CSMD2: variants seen among roughly 807,000 people sequenced by gnomAD.
CSMD2 encodes CUB and sushi domain-containing protein 2.
CSMD2 carries 130 observed loss-of-function variants against 398.5 expected under a neutral mutation model. That is an observed-to-expected ratio of 0.33 (90% CI 0.28 to 0.38). CSMD2 has a LOEUF of 0.38. CSMD2 is among the 10% of genes least tolerant of loss of function. The probability of loss-of-function intolerance (pLI) is 1.00; values close to 1 mark genes in which losing one functional copy is unlikely to be tolerated. For missense variants in CSMD2, 3,829 were observed against 4,764.9 expected (o/e 0.80, Z 5.78); for synonymous variants, 1,828 against 1,908.5 (o/e 0.96, Z 1.10).
At chr1:33,977,500 T>C (rs1164129249) in intron 3 of CSMD2, among the ~76,000 whole-genome samples, 1 of 152,094 alleles carries the variant, frequency 6.6e-6, no homozygotes, top group Non-Finnish European at 1.5e-5. Flanking sequence ...CTCTTAGGTC[T>C]CACCTGCTCA....
chr1:34,016,635 A>T (rs1258737723), intron 3 of CSMD2, among the ~76,000 whole-genome samples: 1 of 152,244 alleles, frequency 6.6e-6, no homozygotes, highest in African/African-American at 2.4e-5. Context: ...TCTGCTATAA[A>T]GATACATGGA....
At chr1:33,671,430 T>C (rs1427689001) in intron 25 of CSMD2, among the ~76,000 whole-genome samples, 1 of 152,126 alleles carries the variant, frequency 6.6e-6, no homozygotes. Flanking sequence ...TTGGTGGGGC[T>C]GCCCTGAAAT....
chr1:33,729,629 C>G (rs560191093), intron 15 of CSMD2, among the ~76,000 whole-genome samples: 1 of 150,148 alleles, frequency 6.7e-6, no homozygotes, highest in African/African-American at 2.5e-5. Context: ...ATCCCTCCCC[C>G]CTCCCCCCAC....
In CSMD2 at chr1:33,624,437, C is replaced by G. The variant is rs531623134; in HGVS notation, c.5625+82G>C. 8.4e-6 allele frequency: 13 copies of G among 1,554,744 alleles called. No individual in the cohort carries two copies. The African/African-American group carries it at 1.8e-4, about 21-fold the overall frequency. On this transcript the variant is annotated intron_variant, in intron 35 of 70. Coordinates refer to ENST00000373381, the MANE Select transcript of CSMD2 (RefSeq NM_001281956.2). The surrounding 1 kb of genome is among the most constrained non-coding windows in gnomAD (Gnocchi z 4.7). The stretch of plus-strand genomic sequence containing the variant: ...CCCTGACTCAGGCCTTGGCACCAGC[C>G]AGCACCTGTGGTTGTCACCTGTGAG...
intron 24 of CSMD2, among the ~76,000 whole-genome samples, chr1:33,697,366 C>T (rs532041829): frequency 8.5e-5 from 13 of 152,080 alleles, no homozygotes; most frequent in Admixed American, 2.0e-4. Flanking sequence ...AGATGGAGGG[C>T]GAAAGGGGAG....
intron 1 of CSMD2, among the ~76,000 whole-genome samples, chr1:34,117,833 C>G (rs1039436862): frequency 2.0e-5 from 3 of 152,128 alleles, no homozygotes; most frequent in Non-Finnish European, 4.4e-5. Flanking sequence ...GAAAATCCAT[C>G]AATATAATAT....
chr1:34,074,683 G>A (rs1217825045), intron 2 of CSMD2, among the ~76,000 whole-genome samples: 1 of 152,132 alleles, frequency 6.6e-6, no homozygotes, highest in Non-Finnish European at 1.5e-5. Context: ...TTGTCATCAA[G>A]GAGTTTACAG....
chr1:33,560,984 C>T (rs1217717338), intron 53 of CSMD2, among the ~76,000 whole-genome samples: 2 of 152,276 alleles, frequency 1.3e-5, no homozygotes, highest in African/African-American at 4.8e-5. Flanking sequence ...TGGAGTTGAA[C>T]TCCCACCTGA....
intron 53 of CSMD2, 94 bp downstream of exon 53, chr1:33,567,499 A>ATATATATATATATAT (rs1284357279): frequency 9.9e-6 from 10 of 1,014,200 alleles, no homozygotes; most frequent in African/African-American, 1.6e-5. Context: ...ATATATATTT[A>ATATATATATATATAT]AAACAAACCT....
In CSMD2 at chr1:33,646,699, A is replaced by G; in HGVS notation, c.4723T>C (p.Phe1575Leu). 1 of 1,614,208 alleles carries G rather than the reference A, an allele frequency of 6.2e-7. No individual in the cohort carries two copies. The highest frequency in any genetic ancestry group is 8.5e-7 in the Non-Finnish European group (1 of 1,180,036). ...TTGCTCACAGATGCATCGCTGCGGAAGGCGAGGAAGAGGCTGTTGCTGCTG... is the reference window on the plus strand; with the variant it reads ...TTGCTCACAGATGCATCGCTGCGGAGGGCGAGGAAGAGGCTGTTGCTGCTG... Reference protein sequence around the residue: ...ESSSNSLFLAFRSDASVSNAG... With the variant: ...ESSSNSLFLALRSDASVSNAG... Residue 1575 changes from phenylalanine to leucine, a missense_variant, in exon 29 of 71, where the codon TTC becomes CTC. Transcript: ENST00000373381.
Position 33,600,914 on chromosome 1 carries a change from C to T in CSMD2, c.6807G>A (p.Lys2269=). ...CCCCTGTGGCTGCATCACGGTGGAA[C>T]TTGAGCAGGACCTGGTTGGATGAAC... ...VQSSSNQVLL[K]FHRDAATGGI... The change falls in exon 44 of 71, where the codon AAG becomes AAA. Residue 2269 remains lysine, a synonymous_variant. Coordinates refer to ENST00000373381, the MANE Select transcript of CSMD2 (RefSeq NM_001281956.2). 6.2e-7 allele frequency: 1 copy of T among 1,614,156 alleles called. No individual in the cohort carries two copies. Among genetic ancestry groups the T allele is most frequent in the Non-Finnish European group, 8.5e-7 (1 of 1,180,026 alleles).
At chr1:33,579,610 G>A (rs1638548975) in intron 48 of CSMD2, among the ~76,000 whole-genome samples, 1 of 152,074 alleles carries the variant, frequency 6.6e-6, no homozygotes, top group Non-Finnish European at 1.5e-5. Context: ...CATGAGAAGA[G>A]ATGGACTGTG....
intron 44 of CSMD2, among the ~76,000 whole-genome samples, chr1:33,593,080 T>A (rs1639582481): frequency 6.6e-6 from 1 of 152,230 alleles, no homozygotes; most frequent in Admixed American, 6.5e-5. Context: ...ATGTGGTCTG[T>A]ACTAACGTTA....
chr1:33,716,357 T>C lies in CSMD2; in HGVS notation c.3146A>G (p.Asn1049Ser). ...PAPISAGLYGNFTAQVRFISD... is the reference protein window; with the variant it reads ...PAPISAGLYGSFTAQVRFISD... ...GATGAAGCGGACCTGGGCAGTGAAGTTGCCATAGAGCCCAGCGCTGATGGG... is the reference window on the plus strand; with the variant it reads ...GATGAAGCGGACCTGGGCAGTGAAGCTGCCATAGAGCCCAGCGCTGATGGG... The change falls in exon 20 of 71, where the codon AAC becomes AGC. Residue 1049 changes from asparagine to serine, a missense_variant. This residue lies in a region of CSMD2 where 2,001 missense variants were observed against 2,567.1 expected (regional missense o/e 0.78). Coordinates refer to ENST00000373381, the MANE Select transcript of CSMD2 (RefSeq NM_001281956.2). The C allele has an allele frequency of 6.2e-7, 1 of 1,614,152 alleles. No homozygotes were observed. Among genetic ancestry groups the C allele is most frequent in the Non-Finnish European group, 8.5e-7 (1 of 1,180,010 alleles).
chr1:34,012,120 C>T (rs1326626229), intron 3 of CSMD2, among the ~76,000 whole-genome samples: 1 of 152,098 alleles, frequency 6.6e-6, no homozygotes, highest in Non-Finnish European at 1.5e-5. Context: ...GTCTTGTGGC[C>T]CCACAGCCTC....
rs1557947584 is a variant in CSMD2 at position 33,820,576 on chromosome 1, A to AC, written c.1112-21_1112-20insG. On this transcript the variant is annotated intron_variant, in intron 7 of 70. Transcript: ENST00000373381. ...GAGTTACTACAAGGCAAAAAAAAAAAAAAAAAAAAAAACAGCACACACAGA... is the reference window on the plus strand; with the variant it reads ...GAGTTACTACAAGGCAAAAAAAAAAACAAAAAAAAAAAACAGCACACACAGA... The AC allele has an allele frequency of 3.4e-6, 4 of 1,175,834 alleles. No homozygotes were observed. The highest frequency in any genetic ancestry group is 5.0e-6 in the Non-Finnish European group (4 of 805,708). The allele number at this position is 1,175,834 out of a possible 1,614,324, so 72.8% of individuals were successfully genotyped here.
intron 2 of CSMD2, among the ~76,000 whole-genome samples, chr1:34,060,613 A>G (rs1188108473): frequency 1.3e-5 from 2 of 150,400 alleles, no homozygotes; most frequent in African/African-American, 2.4e-5. Context: ...CCAGGCAACA[A>G]ATGCAGGATT....
At position 33,975,486 on chromosome 1, in the gene CSMD2, T is replaced by TATACACACACACACAC. The variant is rs145373689; in HGVS notation, c.518-39533_518-39532insGTGTGTGTGTGTGTAT. On this transcript the variant is annotated intron_variant, in intron 3 of 70. Coordinates refer to ENST00000373381, the MANE Select transcript of CSMD2 (RefSeq NM_001281956.2). ...CCACAGATCCTCCCTCTCCCAAGTG[T>TATACACACACACACAC]ACACACACACACACACACACACACA... 7.4e-4 allele frequency among the ~76,000 whole-genome samples: 109 copies of TATACACACACACACAC among 146,464 alleles called. 1 individual carries two copies. In the East Asian group the frequency reaches 0.014, roughly 18 times the overall value.
At chr1:33,744,746 T>C (rs957865528) in intron 13 of CSMD2, among the ~76,000 whole-genome samples, 2 of 152,098 alleles carry the variant, frequency 1.3e-5, no homozygotes, top group African/African-American at 4.8e-5. Flanking sequence ...AGAGGATTCA[T>C]ATGAAAGAAA....
Sources: allele counts gnomAD v4.1 joint callset (sites outside exome capture counted in the v4.1 genomes callset), GRCh38; gene constraint gnomAD v4.1.1; regional missense constraint gnomAD v4.1.1; non-coding constraint Gnocchi (gnomAD v3.1); transcripts MANE v1.5; gene names NCBI Gene and HGNC (gene_info 2026-07-23, HGNC 2026-07-21).